The following FRYL variants were observed in gnomAD, a reference collection of about 807,000 sequenced individuals.
FRYL encodes protein furry homolog-like.
A neutral mutation model predicts 351.2 loss-of-function variants in FRYL; 150 were observed. The ratio of observed to expected loss-of-function variants is 0.43; its 90% CI spans 0.37 to 0.49. FRYL has a LOEUF of 0.49. Ranked by LOEUF, FRYL falls within the 20% of genes least tolerant of loss-of-function variation. The pLI is 0.00. For missense variants in FRYL, 3,036 were observed against 3,619.3 expected, an observed-to-expected ratio of 0.84 and a Z score of 4.13; for synonymous variants, 1,153 against 1,257.1, an observed-to-expected ratio of 0.92 and a Z score of 1.75.
At chr4:48,762,674 T>C (rs749317012) in intron 1 of FRYL, among the ~76,000 whole-genome samples, 1 of 152,156 alleles carries the variant, frequency 6.6e-6, no homozygotes, top group Non-Finnish European at 1.5e-5. Context: ...AACCTCTCAC[T>C]GGAAAAATGC....
At chr4:48,740,481 G>C (rs1247971489) in intron 1 of FRYL, among the ~76,000 whole-genome samples, 1 of 151,914 alleles carries the variant, frequency 6.6e-6, no homozygotes, top group Non-Finnish European at 1.5e-5. Context: ...TTTCAGTAGA[G>C]ACAGGGTTTC....
At chr4:48,774,803 T>C (rs1253137647) in intron 1 of FRYL, among the ~76,000 whole-genome samples, 1 of 152,142 alleles carries the variant, frequency 6.6e-6, no homozygotes, top group East Asian at 1.9e-4. Context: ...CACCTCAGTC[T>C]CCGAGTGCCG....
chr4:48,641,186 G>T (rs1264818637), intron 3 of FRYL, among the ~76,000 whole-genome samples: 1 of 152,060 alleles, frequency 6.6e-6, no homozygotes, highest in Non-Finnish European at 1.5e-5. Context: ...AGGAAAAAAG[G>T]AAATATAAGT....
At chr4:48,688,755 C>T (rs1765407228) in intron 2 of FRYL, among the ~76,000 whole-genome samples, 1 of 147,600 alleles carries the variant, frequency 6.8e-6, no homozygotes, top group Non-Finnish European at 1.5e-5. Flanking sequence ...CTCTGCCTCC[C>T]ATATTCAAGT....
At chr4:48,525,530 T>C (rs959451254) in intron 53 of FRYL, among the ~76,000 whole-genome samples, 2 of 152,176 alleles carry the variant, frequency 1.3e-5, no homozygotes, top group African/African-American at 4.8e-5. Flanking sequence ...GGAGAGTGCA[T>C]TACATTTCAT....
At chr4:48,512,375 TA>T in intron 57 of FRYL, 105 bp downstream of exon 57, 1 of 918,076 alleles carries the variant, frequency 1.1e-6, no homozygotes, top group Non-Finnish European at 1.6e-6. Context: ...AAAAATTTGT[TA>T]AAACTGGTAG....
Position 48,499,659 on chromosome 4 carries a change from G to A in FRYL, c.8805C>T (p.Ile2935=). Residue 2935 remains isoleucine, a synonymous_variant, in exon 64 of 64, where the codon ATC becomes ATT. Coordinates refer to ENST00000358350, the MANE Select transcript of FRYL (RefSeq NM_015030.2). ...CAGGGTCATCTTCACAACTGCCAAA[G>A]ATATCACTGGGCCAGAGAGATCTGA... The part of the protein sequence containing the change: ...KAFRSLWPSD[I]FGSCEDDPVQ... 6.2e-7 allele frequency: 1 copy of A among 1,614,040 alleles called. No individual in the cohort carries two copies. The highest frequency in any genetic ancestry group is 8.5e-7 in the Non-Finnish European group (1 of 1,179,936).
At chr4:48,727,000 A>T (rs1021758555) in intron 1 of FRYL, among the ~76,000 whole-genome samples, 1 of 152,246 alleles carries the variant, frequency 6.6e-6, no homozygotes, top group Non-Finnish European at 1.5e-5. Flanking sequence ...AGGTAGTTTA[A>T]GAGATGGACA....
At chr4:48,577,844 C>G (rs1263060189) in intron 23 of FRYL, among the ~76,000 whole-genome samples, 1 of 151,414 alleles carries the variant, frequency 6.6e-6, no homozygotes, top group Non-Finnish European at 1.5e-5. Context: ...CCTCTGCATT[C>G]CAGCCTAAGT....
At position 48,540,407 on chromosome 4, in the gene FRYL, T is replaced by G; in HGVS notation, c.6241A>C (p.Ser2081Arg). 6.2e-7 allele frequency: 1 copy of G among 1,613,862 alleles called. No homozygotes were observed. Among genetic ancestry groups the G allele is most frequent in the Non-Finnish European group, 8.5e-7 (1 of 1,179,772 alleles). Residue 2081 changes from serine to arginine, a missense_variant, in exon 46 of 64, where the codon AGT becomes CGT. Around this residue, in one of 7 missense-constraint regions of FRYL, gnomAD observed 1,987 missense variants for 2,311.7 expected, o/e 0.86. Coordinates refer to ENST00000358350, the MANE Select transcript of FRYL (RefSeq NM_015030.2). ...STQEMTVHLLSKLISVSKHTL... is the reference protein window; with the variant it reads ...STQEMTVHLLRKLISVSKHTL... ...TGTTTGGAGACAGAAATGAGTTTAC[T>G]GAGGAGGTGCACGGTCATTTCTTGT...
chr4:48,652,281 G>T (rs1757871976), intron 3 of FRYL, among the ~76,000 whole-genome samples: 1 of 152,172 alleles, frequency 6.6e-6, no homozygotes, highest in African/African-American at 2.4e-5. Context: ...GTTAATTATA[G>T]CTTTATTCTC....
chr4:48,531,959 A>AT (rs1560548767), intron 49 of FRYL, among the ~76,000 whole-genome samples: 1 of 152,000 alleles, frequency 6.6e-6, no homozygotes, highest in Non-Finnish European at 1.5e-5. Context: ...TTTTAAAAAA[A>AT]TTTTTCTGCT....
intron 4 of FRYL, among the ~76,000 whole-genome samples, chr4:48,630,246 T>G (rs1175486634): frequency 3.3e-5 from 5 of 152,140 alleles, no homozygotes; most frequent in Non-Finnish European, 7.4e-5. Flanking sequence ...TCCAATCAAC[T>G]GTGTTTCATT....
chr4:48,553,384 C>G lies in FRYL; in HGVS notation c.4267-1G>C. 6.2e-7 allele frequency: 1 copy of G among 1,600,266 alleles called. No individual in the cohort carries two copies. Among genetic ancestry groups the G allele is most frequent in the Non-Finnish European group, 8.5e-7 (1 of 1,174,344 alleles). Reference sequence around the variant, plus strand: ...CTAAATATACAATGACCTTCTTCACCTGTCACAAAAGAAATCGTTCAGAAA... The same window carrying G: ...CTAAATATACAATGACCTTCTTCACGTGTCACAAAAGAAATCGTTCAGAAA... On this transcript the variant is annotated splice_acceptor_variant, in intron 35 of 63. Transcript: ENST00000358350. LOFTEE classifies it high-confidence loss of function.
chr4:48,660,569 G>A (rs564299336), intron 3 of FRYL, among the ~76,000 whole-genome samples: 143 of 152,308 alleles, frequency 9.4e-4, no homozygotes, highest in African/African-American at 3.1e-3. Flanking sequence ...TGTCTCTAAT[G>A]AGCTTCCAGG....
chr4:48,523,117 G>C lies in FRYL; in HGVS notation c.7318-13C>G. The C allele has an allele frequency of 2.5e-6, 4 of 1,599,490 alleles. No individual in the cohort carries two copies. Among genetic ancestry groups the C allele is most frequent in the Non-Finnish European group, 3.4e-6 (4 of 1,168,632 alleles). On this transcript the variant is annotated splice_polypyrimidine_tract_variant and intron_variant, in intron 53 of 63. Transcript: ENST00000358350. ...CCATACTTTCACCCTGGAAAAGCAA[G>C]ACACGATTTCTAAAACCTCAAATAC...
At chr4:48,707,954 C>T (rs1389810407) in intron 2 of FRYL, among the ~76,000 whole-genome samples, 3 of 151,234 alleles carry the variant, frequency 2.0e-5, no homozygotes, top group African/African-American at 4.9e-5. Context: ...CCCAGTAGCT[C>T]GGACTATAGG....
intron 1 of FRYL, among the ~76,000 whole-genome samples, chr4:48,763,646 TACTAAGGCCATGTA>T (rs1377681136): frequency 6.6e-6 from 1 of 152,080 alleles, no homozygotes; most frequent in African/African-American, 2.4e-5. Flanking sequence ...ATTTGAGCTT[TACTAAGGCCATGTA>T]TGATAAGCTC....
chr4:48,773,921 T>C (rs1775763214), intron 1 of FRYL, among the ~76,000 whole-genome samples: 1 of 152,210 alleles, frequency 6.6e-6, no homozygotes, highest in Non-Finnish European at 1.5e-5. Flanking sequence ...TGAGACTCTG[T>C]ATCAAATAAA....
Sources: gnomAD v4.1 joint callset for allele counts (sites outside exome capture counted in the v4.1 genomes callset) on GRCh38, gnomAD v4.1.1 for gene constraint, gnomAD v4.1.1 regional missense constraint, MANE v1.5 for transcripts, NCBI Gene and HGNC (gene_info 2026-07-23, HGNC 2026-07-21) for gene names.